SLC30A7: variants seen among roughly 807,000 people sequenced by gnomAD.
SLC30A7 encodes the protein zinc transporter 7.
In SLC30A7, 35 loss-of-function variants were observed where a neutral mutation model predicts 46.0. The ratio of observed to expected loss-of-function variants is 0.76; its 90% CI spans 0.58 to 1.01. The LOEUF is 1.01. Among genes scored for constraint, SLC30A7 ranks in the 50% least tolerant of loss-of-function variants. SLC30A7 has a pLI of 0.00. For missense variants in SLC30A7, 464 were observed against 451.1 expected (o/e 1.03, Z -0.26); for synonymous variants, 147 against 157.8 (o/e 0.93, Z 0.51).
At chr1:100,939,254 CA>C (rs2101054734) in intron 8 of SLC30A7, among the ~76,000 whole-genome samples, 1 of 151,424 alleles carries the variant, frequency 6.6e-6, no homozygotes, top group African/African-American at 2.4e-5. Flanking sequence ...TTTTTAATGC[CA>C]AGTGTATAAT....
intron 9 of SLC30A7, among the ~76,000 whole-genome samples, chr1:100,962,624 G>C (rs1046673624): frequency 1.3e-5 from 2 of 152,278 alleles, no homozygotes; most frequent in Admixed American, 1.3e-4. Context: ...GGAGAGAATG[G>C]CAGGAGCAAG....
intron 8 of SLC30A7, among the ~76,000 whole-genome samples, chr1:100,948,474 A>G (rs1387086689): frequency 6.6e-6 from 1 of 151,700 alleles, no homozygotes; most frequent in Non-Finnish European, 1.5e-5. Context: ...TGCCCTTAAC[A>G]TTTTTTTCCT....
At chr1:100,897,094 G>C (rs889715489) in intron 2 of SLC30A7, among the ~76,000 whole-genome samples, 5 of 151,944 alleles carry the variant, frequency 3.3e-5, no homozygotes, top group Admixed American at 6.6e-5. Flanking sequence ...GTTCTACTTA[G>C]TTTGTTATTG....
At chr1:100,913,560 G>T in intron 5 of SLC30A7, 103 bp from the exon 6 acceptor site, 1 of 800,974 alleles carries the variant, frequency 1.2e-6, no homozygotes, top group South Asian at 1.8e-5. Context: ...TTATTGAATT[G>T]ATCTGAGTTT....
intron 10 of SLC30A7, among the ~76,000 whole-genome samples, chr1:100,966,586 A>C (rs896526564): frequency 6.6e-6 from 1 of 152,128 alleles, no homozygotes; most frequent in Non-Finnish European, 1.5e-5. Context: ...ACTCGGTCTC[A>C]AAGAAAAAAG....
chr1:100,923,675 A>T (rs745518525), intron 8 of SLC30A7, among the ~76,000 whole-genome samples: 2 of 152,196 alleles, frequency 1.3e-5, no homozygotes, highest in Non-Finnish European at 2.9e-5. Context: ...GCTACTTGGG[A>T]TGCTGAGGCC....
intron 8 of SLC30A7, among the ~76,000 whole-genome samples, chr1:100,951,452 G>T (rs917230858): frequency 1.3e-5 from 2 of 152,144 alleles, no homozygotes; most frequent in Admixed American, 6.5e-5. Context: ...CTAACATGTT[G>T]CTTGTGAAAA....
At chr1:100,932,170 T>C (rs941085099) in intron 8 of SLC30A7, among the ~76,000 whole-genome samples, 1 of 152,184 alleles carries the variant, frequency 6.6e-6, no homozygotes, top group Admixed American at 6.5e-5. Context: ...ATCCCAGCAC[T>C]TTGGGAGGCC....
At chr1:100,913,955 T>C in intron 6 of SLC30A7, 149 bp downstream of exon 6, 2 of 1,161,786 alleles carry the variant, frequency 1.7e-6, no homozygotes, top group Non-Finnish European at 2.3e-6. Context: ...GGCTAGTTTA[T>C]TTTTTGTATA....
intron 3 of SLC30A7, among the ~76,000 whole-genome samples, chr1:100,907,957 C>A (rs1358976237): frequency 6.6e-6 from 1 of 151,652 alleles, no homozygotes; most frequent in African/African-American, 2.4e-5. Flanking sequence ...TTGTTTTCTC[C>A]TGCTCTTTTC....
chr1:100,954,862 G>A (rs1655143983), intron 8 of SLC30A7, among the ~76,000 whole-genome samples: 1 of 151,658 alleles, frequency 6.6e-6, no homozygotes, highest in African/African-American at 2.4e-5. Flanking sequence ...TACCATTATG[G>A]GCCAGTTTTC....
the SLC30A7 span, chr1:100,989,842 T>A: frequency 6.5e-6 from 1 of 153,624 alleles, no homozygotes; most frequent in African/African-American, 2.4e-5. Flanking sequence ...CTGCTTTATG[T>A]GTACATCCTG....
At position 100,976,464 on chromosome 1, in the gene SLC30A7, T is replaced by A. The variant is rs1325562731; in HGVS notation, c.*1607T>A. 6.6e-6 allele frequency: 1 copy of A among 152,230 alleles called. No homozygotes were observed. Among genetic ancestry groups the A allele is most frequent in the Non-Finnish European group, 1.5e-5 (1 of 68,026 alleles). 9.4% of individuals were successfully genotyped at this position (152,230 alleles called of 1,614,324 possible). On this transcript the variant is annotated 3_prime_UTR_variant, in exon 11 of 11. Transcript: ENST00000357650. ...TGAGTTGATTTTCTAGGTTCTTACGTATTTGAAAAATAAAATTGCAATTCG... is the reference window on the plus strand; with the variant it reads ...TGAGTTGATTTTCTAGGTTCTTACGAATTTGAAAAATAAAATTGCAATTCG...
At chr1:100,912,542 G>A (rs1652174064) in intron 5 of SLC30A7, among the ~76,000 whole-genome samples, 1 of 151,928 alleles carries the variant, frequency 6.6e-6, no homozygotes, top group Admixed American at 6.6e-5. Flanking sequence ...GTTTTGTGTG[G>A]GCTGGGCACA....
intron 8 of SLC30A7, among the ~76,000 whole-genome samples, chr1:100,931,712 T>C (rs1196974247): frequency 6.6e-6 from 1 of 152,218 alleles, no homozygotes; most frequent in Non-Finnish European, 1.5e-5. Flanking sequence ...ATACTACCAA[T>C]TTGTAAATTA....
intron 3 of SLC30A7, among the ~76,000 whole-genome samples, chr1:100,908,559 CATT>C (rs1651846732): frequency 6.6e-6 from 1 of 152,106 alleles, no homozygotes; most frequent in African/African-American, 2.4e-5. Flanking sequence ...AAAAAATACT[CATT>C]GTACATTTTA....
At position 100,897,574 on chromosome 1, in the gene SLC30A7, ATAGACT is replaced by A. The variant is rs1483104549; in HGVS notation, c.182+907_182+912del. ...TAAGAACCTGTTTTCTATTTATTAAATAGACTTAGTCTCTGTTGTTTAAGACCCATT... is the reference window on the plus strand; with the variant it reads ...TAAGAACCTGTTTTCTATTTATTAAATAGTCTCTGTTGTTTAAGACCCATT... On this transcript the variant is annotated intron_variant, in intron 2 of 10. Transcript: ENST00000357650. 3.9e-5 allele frequency among the ~76,000 whole-genome samples: 6 copies of A among 152,200 alleles called. No individual in the cohort carries two copies. In the South Asian group the frequency reaches 8.3e-4, roughly 21 times the overall value.
the SLC30A7 span, chr1:100,990,365 T>C: frequency 6.4e-7 from 1 of 1,565,172 alleles, no homozygotes; most frequent in Non-Finnish European, 8.8e-7. Flanking sequence ...TATCAATCCA[T>C]ATATGGCTGA....
chr1:100,914,605 C>A (rs1418341817), intron 6 of SLC30A7, among the ~76,000 whole-genome samples: 1 of 152,032 alleles, frequency 6.6e-6, no homozygotes, highest in East Asian at 1.9e-4. Flanking sequence ...TGTTTATCAA[C>A]TTAATATTTT....
Sources: allele counts gnomAD v4.1 joint callset (sites outside exome capture counted in the v4.1 genomes callset), GRCh38; gene constraint gnomAD v4.1.1; transcripts MANE v1.5; gene names NCBI Gene and HGNC (gene_info 2026-07-23, HGNC 2026-07-21).